The following BORCS8 variants were observed in gnomAD, a reference collection of about 807,000 sequenced individuals.
The protein encoded by BORCS8 is BLOC-1-related complex subunit 8.
BORCS8 carries 13 observed loss-of-function variants against 18.7 expected under a neutral mutation model. The observed-to-expected ratio is 0.70, with a 90% CI of 0.45 to 1.11. The LOEUF is 1.11. Among genes scored for constraint, BORCS8 ranks in the 50% least tolerant of loss-of-function variants. The pLI is 0.00. For synonymous variants in BORCS8, 68 were observed against 64.8 expected (o/e 1.05, Z -0.24); for missense variants, 165 against 165.7 (o/e 1.00, Z 0.02).
chr19:19,191,818 G>C (rs1374185784), intron 1 of BORCS8, among the ~76,000 whole-genome samples: 1 of 152,086 alleles, frequency 6.6e-6, no homozygotes, highest in African/African-American at 2.4e-5. Context: ...CGATCCTCCC[G>C]CCTAGGCCTC....
At position 19,182,621 on chromosome 19, in the gene BORCS8, T is replaced by C; in HGVS notation, c.278A>G (p.Gln93Arg). 6.4e-7 allele frequency: 1 copy of C among 1,551,316 alleles called. No individual in the cohort carries two copies. The highest frequency in any genetic ancestry group is 8.7e-7 in the Non-Finnish European group (1 of 1,146,930). The change falls in exon 4 of 6, where the codon CAG becomes CGG. Residue 93 changes from glutamine to arginine, a missense_variant. Coordinates refer to ENST00000462790, the MANE Select transcript of BORCS8 (RefSeq NM_001145784.2). The surrounding 1 kb of genome is among the most constrained non-coding windows in gnomAD (Gnocchi z 4.1). Reference protein sequence around the residue: ...YFRSVEGLLKQAISIRDHMNA... With the variant: ...YFRSVEGLLKRAISIRDHMNA... ...CATATGGTCCCGGATGCTGATGGCC[T>C]GTTTGAGCAGACCCTCCACGCTGCG...
At chr19:19,184,468 A>AT (rs1482121380) in intron 3 of BORCS8, among the ~76,000 whole-genome samples, 1 of 151,078 alleles carries the variant, frequency 6.6e-6, no homozygotes, top group Non-Finnish European at 1.5e-5. Context: ...CACCTGGCTA[A>AT]TTTTTTTGTA....
intron 2 of BORCS8, among the ~76,000 whole-genome samples, chr19:19,186,568 C>T (rs534878700): frequency 2.6e-5 from 4 of 152,304 alleles, no homozygotes; most frequent in African/African-American, 9.6e-5. Flanking sequence ...TCACTGGGCA[C>T]TCATACTTCT....
chr19:19,181,037 A>C (rs2060343658), intron 4 of BORCS8, among the ~76,000 whole-genome samples: 2 of 151,568 alleles, frequency 1.3e-5, no homozygotes, highest in Non-Finnish European at 2.9e-5. Flanking sequence ...TCTACTAAAA[A>C]TACAAAAATT....
At chr19:19,189,086 C>T (rs775326165) in intron 1 of BORCS8, among the ~76,000 whole-genome samples, 7 of 152,110 alleles carry the variant, frequency 4.6e-5, no homozygotes, top group Non-Finnish European at 8.8e-5. Context: ...CTGCCCACTT[C>T]GGCCTCCCAG....
chr19:19,188,781 C>T (rs2060436461), intron 1 of BORCS8, among the ~76,000 whole-genome samples: 1 of 152,162 alleles, frequency 6.6e-6, no homozygotes, highest in South Asian at 2.1e-4. Flanking sequence ...GCCTCCTCAC[C>T]AGCCAGCCCT....
intron 3 of BORCS8, among the ~76,000 whole-genome samples, chr19:19,184,309 T>C (rs1010757611): frequency 2.1e-5 from 3 of 143,888 alleles, no homozygotes; most frequent in Admixed American, 7.1e-5. Context: ...TCCTTTCTTT[T>C]TTTTTTTTTT....
In BORCS8 at chr19:19,192,139, C is replaced by A. The variant is rs1171754243; in HGVS notation, c.-22G>T. 6.4e-7 allele frequency: 1 copy of A among 1,551,136 alleles called. No individual in the cohort carries two copies. Among genetic ancestry groups the A allele is most frequent in the Admixed American group, 2.0e-5 (1 of 50,998 alleles). On this transcript the variant is annotated 5_prime_UTR_variant, in exon 1 of 6. Transcript: ENST00000462790. ...CCATAGCGACCGCGGCCGAGCGAACCGGGAAACGGCACCGGAAGCCCGGAG... is the reference window on the plus strand; with the variant it reads ...CCATAGCGACCGCGGCCGAGCGAACAGGGAAACGGCACCGGAAGCCCGGAG...
intron 3 of BORCS8, among the ~76,000 whole-genome samples, chr19:19,184,399 G>A (rs1407090064): frequency 1.5e-5 from 2 of 135,774 alleles, no homozygotes; most frequent in South Asian, 2.5e-4. Flanking sequence ...TCCACCTCCC[G>A]GGTTCATGCC....
chr19:19,181,655 A>G lies in BORCS8; in HGVS notation c.327-894T>C, dbSNP rs2060350223. ...CCAGATGCCGCTCCTCTTCAGATGC[A>G]AGAGAGCCCAGATAAACCCTTCATG... On this transcript the variant is annotated intron_variant, in intron 4 of 5. Coordinates refer to ENST00000462790, the MANE Select transcript of BORCS8 (RefSeq NM_001145784.2). Among the ~76,000 whole-genome samples the G allele has an allele frequency of 2.0e-5, 3 of 152,346 alleles. No homozygotes were observed. The East Asian group carries it at 5.8e-4, about 29-fold the overall frequency.
intron 5 of BORCS8, chr19:19,177,693 GAAGAGAAAAGAAAAGAAAA>G (rs1380295174): frequency 1.3e-4 from 5 of 37,076 alleles, no homozygotes; most frequent in African/African-American, 6.1e-4. Flanking sequence ...AGGAAGGAAG[GAAGAGAAAAGAAAAGAAAA>G]GAAAAGAAAA....
At position 19,181,833 on chromosome 19, in the gene BORCS8, C is replaced by A. The variant is rs528138596; in HGVS notation, c.326+740G>T. On this transcript the variant is annotated intron_variant, in intron 4 of 5. Transcript: ENST00000462790. ...CTGCCAGAACCCCAATCTGTGGGAG[C>A]CAGACGCATCCCAAGGCGACATTCC... 7 of 983,020 alleles carry A rather than the reference C, an allele frequency of 7.1e-6. No individual in the cohort carries two copies. The African/African-American group carries it at 1.2e-4, about 17-fold the overall frequency. The allele number at this position is 983,020 out of a possible 1,614,324, so 60.9% of individuals were successfully genotyped here. A position where few individuals can be genotyped will look rare whatever the true frequency, so the allele number is the denominator to read the frequency against.
chr19:19,180,570 A>G (rs1165563648), intron 5 of BORCS8, 116 bp downstream of exon 5: 3 of 745,738 alleles, frequency 4.0e-6, no homozygotes, highest in Non-Finnish European at 7.0e-6. Flanking sequence ...ATCATCCCAC[A>G]AGCCCAGTGA....
intron 2 of BORCS8, 76 bp from the exon 3 acceptor site, chr19:19,186,174 TG>T: frequency 7.1e-7 from 1 of 1,401,500 alleles, no homozygotes. Flanking sequence ...CTCTCTTGGT[TG>T]GGGCTCTCCT....
chr19:19,177,692 GGAAGAGAAAAGAAAAGAAAAGAAAA>G (rs2060309397), intron 5 of BORCS8: 2 of 48,894 alleles, frequency 4.1e-5, no homozygotes, highest in African/African-American at 8.3e-5. Context: ...AAGGAAGGAA[GGAAGAGAAAAGAAAAGAAAAGAAAA>G]GAAAAGAAAA....
intron 3 of BORCS8, among the ~76,000 whole-genome samples, chr19:19,185,483 T>G (rs2060397281): frequency 6.6e-6 from 1 of 152,128 alleles, no homozygotes; most frequent in Non-Finnish European, 1.5e-5. Context: ...GTCAGAAGTT[T>G]GAGACCAGCC....
chr19:19,188,753 T>C (rs1420850551), intron 1 of BORCS8, among the ~76,000 whole-genome samples: 1 of 152,096 alleles, frequency 6.6e-6, no homozygotes, highest in Non-Finnish European at 1.5e-5. Context: ...AGATTTTACC[T>C]GAGGTGCCCC....
intron 3 of BORCS8, among the ~76,000 whole-genome samples, chr19:19,184,761 G>A (rs911799977): frequency 7.9e-5 from 12 of 151,604 alleles, no homozygotes; most frequent in African/African-American, 9.7e-5. Flanking sequence ...CACCAGGCTC[G>A]GCTAGTTTTT....
At chr19:19,177,720 A>AGG (rs2060312742) in intron 5 of BORCS8, 13 of 169,952 alleles carry the variant, frequency 7.6e-5, no homozygotes, top group Admixed American at 2.7e-4. Context: ...AAAGAAAAGA[A>AGG]AAGAAAAGAA....
Sources: gnomAD v4.1 joint callset for allele counts (sites outside exome capture counted in the v4.1 genomes callset) on GRCh38, gnomAD v4.1.1 for gene constraint, Gnocchi (gnomAD v3.1) non-coding constraint, MANE v1.5 for transcripts, NCBI Gene and HGNC (gene_info 2026-07-23, HGNC 2026-07-21) for gene names.